The following LIMD1 variants were observed in gnomAD, a reference collection of about 807,000 sequenced individuals.
The protein encoded by LIMD1 is LIM domain containing 1, also known as LIM domain-containing protein 1.
Under a neutral mutation model 58.4 loss-of-function variants are expected in LIMD1, and 23 were observed. The observed-to-expected ratio is 0.39, with a 90% CI of 0.28 to 0.56. The LOEUF (loss-of-function observed/expected upper bound fraction) is 0.56, where lower values mean the gene tolerates loss of function less well. Ranked by LOEUF, LIMD1 falls within the 20% of genes least tolerant of loss-of-function variation. LIMD1 has a pLI of 0.57. For missense variants in LIMD1, 838 were observed against 855.5 expected (o/e 0.98, Z 0.25); for synonymous variants, 334 against 345.5 (o/e 0.97, Z 0.37).
At chr3:45,629,329 C>T (rs1394099854) in intron 1 of LIMD1, among the ~76,000 whole-genome samples, 1 of 148,834 alleles carries the variant, frequency 6.7e-6, no homozygotes, top group African/African-American at 2.5e-5. Flanking sequence ...AGGAGAATCG[C>T]TTGAACCCAG....
At chr3:45,612,703 A>G (rs1451738630) in intron 1 of LIMD1, among the ~76,000 whole-genome samples, 2 of 152,196 alleles carry the variant, frequency 1.3e-5, no homozygotes, top group Non-Finnish European at 2.9e-5. Context: ...GGCAACTACA[A>G]TTCTGATTTT....
chr3:45,599,104 A>G (rs1701385379), intron 1 of LIMD1, among the ~76,000 whole-genome samples: 1 of 152,140 alleles, frequency 6.6e-6, no homozygotes, highest in Non-Finnish European at 1.5e-5. Context: ...ACAGTCTCCC[A>G]AGCAGAGATT....
chr3:45,661,208 G>A (rs1322743852), intron 2 of LIMD1, among the ~76,000 whole-genome samples: 3 of 152,100 alleles, frequency 2.0e-5, no homozygotes, highest in Admixed American at 1.3e-4. Context: ...CATAATTATT[G>A]CAGGAAAAAA....
intron 1 of LIMD1, among the ~76,000 whole-genome samples, chr3:45,600,221 G>A (rs1194729211): frequency 6.6e-6 from 1 of 152,224 alleles, no homozygotes; most frequent in East Asian, 1.9e-4. Context: ...CCCATGAGAG[G>A]TGATGTCACT....
Position 45,595,714 on chromosome 3 carries a change from A to G in LIMD1, c.835A>G (p.Asn279Asp), listed in dbSNP as rs1701339800. Residue 279 changes from asparagine (N) to aspartate (D), a missense_variant, in exon 1 of 8, where the codon AAC becomes GAC. Physicochemically the swap from Asn to Asp is conservative, Grantham distance 23 (BLOSUM62 1). Transcript: ENST00000273317. The part of the protein sequence containing the change: ...QRVSPGLPSP[N>D]LENGAPAVGP... ...GGTGAGCCCTGGCCTGCCTTCCCCA[A>G]ACTTGGAGAACGGAGCACCAGCTGT... 1.1e-5 allele frequency: 18 copies of G among 1,614,044 alleles called. No individual in the cohort carries two copies. Among genetic ancestry groups the G allele is most frequent in the Non-Finnish European group, 1.5e-5 (18 of 1,180,006 alleles).
At chr3:45,615,863 G>A (rs918795892) in intron 1 of LIMD1, among the ~76,000 whole-genome samples, 1 of 152,078 alleles carries the variant, frequency 6.6e-6, no homozygotes, top group Non-Finnish European at 1.5e-5. Flanking sequence ...TAGGGAGGGG[G>A]TACCTTTTAC....
At position 45,627,624 on chromosome 3, in the gene LIMD1, C is replaced by CT. The variant is rs1369857485; in HGVS notation, c.1409-8520dup. ...TGGTCAACATAGCGAGAACCCGTCT[C>CT]TTTTTTATAAAATATAAAATGAAAA... On this transcript the variant is annotated intron_variant, in intron 1 of 7. Coordinates refer to ENST00000273317, the MANE Select transcript of LIMD1 (RefSeq NM_014240.3). 6.7e-5 allele frequency among the ~76,000 whole-genome samples: 9 copies of CT among 134,116 alleles called. No homozygotes were observed. The East Asian group carries it at 9.3e-4, about 14-fold the overall frequency. The allele number at this position is 134,116 out of a possible 152,430, so 88.0% of individuals were successfully genotyped here.
chr3:45,609,163 G>A (rs541652888), intron 1 of LIMD1, among the ~76,000 whole-genome samples: 1 of 152,294 alleles, frequency 6.6e-6, no homozygotes, highest in East Asian at 1.9e-4. Context: ...GAGTTTTGAA[G>A]GGAGAGCTTA....
chr3:45,679,535 T>G lies in LIMD1; in HGVS notation c.*2476T>G, dbSNP rs1019519924. 1.3e-5 allele frequency: 2 copies of G among 152,182 alleles called. No individual in the cohort carries two copies. The highest frequency in any genetic ancestry group is 2.9e-5 in the Non-Finnish European group (2 of 68,034). The allele number at this position is 152,182 out of a possible 1,614,324, so 9.4% of individuals were successfully genotyped here. ...GACTTGGTAGGCCAGGAAGAAAAGATTTTAAAATTTAGAATGAATAGCCCT... is the reference window on the plus strand; with the variant it reads ...GACTTGGTAGGCCAGGAAGAAAAGAGTTTAAAATTTAGAATGAATAGCCCT... On this transcript the variant is annotated 3_prime_UTR_variant, in exon 8 of 8. Coordinates refer to ENST00000273317, the MANE Select transcript of LIMD1 (RefSeq NM_014240.3).
intron 1 of LIMD1, among the ~76,000 whole-genome samples, chr3:45,600,062 T>C (rs144458862): frequency 0.013 from 1,927 of 152,282 alleles, 20 homozygotes; most frequent in Middle Eastern, 0.02. Context: ...CCACAGATAC[T>C]TTTTCCTCCC....
chr3:45,605,220 A>G (rs1701456644), intron 1 of LIMD1, among the ~76,000 whole-genome samples: 1 of 152,258 alleles, frequency 6.6e-6, no homozygotes, highest in African/African-American at 2.4e-5. Context: ...GGTTTCAGCT[A>G]ACCATGTAAC....
chr3:45,625,971 A>G (rs935969783), intron 1 of LIMD1, among the ~76,000 whole-genome samples: 1 of 152,224 alleles, frequency 6.6e-6, no homozygotes, highest in African/African-American at 2.4e-5. Context: ...TTTGACTAAT[A>G]TGAGGAGACA....
At chr3:45,658,378 T>C (rs933674905) in intron 2 of LIMD1, among the ~76,000 whole-genome samples, 3 of 151,980 alleles carry the variant, frequency 2.0e-5, no homozygotes, top group Non-Finnish European at 4.4e-5. Flanking sequence ...AATTCTCAGC[T>C]GTGGGAACTG....
chr3:45,663,185 T>G (rs992788850), intron 2 of LIMD1, among the ~76,000 whole-genome samples: 1 of 152,246 alleles, frequency 6.6e-6, no homozygotes, highest in Non-Finnish European at 1.5e-5. Flanking sequence ...ACAGCTCCAG[T>G]TTCTTCGTCT....
rs140517826 is a variant in LIMD1, at chr3:45,682,368, T to G, written c.*5309T>G. ...GATATGGAGTGTTTGCTGATACCTATGATGTAAATATTCCCGCCATGGCCA... is the reference window on the plus strand; with the variant it reads ...GATATGGAGTGTTTGCTGATACCTAGGATGTAAATATTCCCGCCATGGCCA... On this transcript the variant is annotated 3_prime_UTR_variant, in exon 8 of 8. Coordinates refer to ENST00000273317, the MANE Select transcript of LIMD1 (RefSeq NM_014240.3). 3 of 152,194 alleles carry G rather than the reference T, an allele frequency of 2.0e-5. No homozygotes were observed. The highest frequency in any genetic ancestry group is 4.4e-5 in the Non-Finnish European group (3 of 68,064). The allele number at this position is 152,194 out of a possible 1,614,324, so 9.4% of individuals were successfully genotyped here.
chr3:45,647,009 A>G (rs1701914636), intron 2 of LIMD1, among the ~76,000 whole-genome samples: 2 of 152,162 alleles, frequency 1.3e-5, no homozygotes, highest in Non-Finnish European at 2.9e-5. Flanking sequence ...GAAATTATTC[A>G]TGAAGTTTCT....
intron 1 of LIMD1, among the ~76,000 whole-genome samples, chr3:45,605,316 G>GT (rs986212579): frequency 2.0e-5 from 3 of 152,274 alleles, no homozygotes; most frequent in Non-Finnish European, 4.4e-5. Flanking sequence ...CCCCTTTCCA[G>GT]ACCTTTACGG....
chr3:45,619,533 T>C (rs925788291), intron 1 of LIMD1, among the ~76,000 whole-genome samples: 2 of 152,330 alleles, frequency 1.3e-5, no homozygotes, highest in Non-Finnish European at 2.9e-5. Flanking sequence ...GCATGGTGGA[T>C]CACGCCTGTA....
At chr3:45,601,137 GAGAC>G (rs1701408139) in intron 1 of LIMD1, among the ~76,000 whole-genome samples, 1 of 152,208 alleles carries the variant, frequency 6.6e-6, no homozygotes. Context: ...GAAGCTGACT[GAGAC>G]AGAGTTGACC....
Sources: gnomAD v4.1 joint callset for allele counts (sites outside exome capture counted in the v4.1 genomes callset) on GRCh38, gnomAD v4.1.1 for gene constraint, MANE v1.5 for transcripts, NCBI Gene and HGNC (gene_info 2026-07-23, HGNC 2026-07-21) for gene names.